Variants in NCOR2 observed in about 807,000 individuals in gnomAD.
NCOR2 encodes nuclear receptor corepressor 2.
A neutral mutation model predicts 262.9 loss-of-function variants in NCOR2; 81 were observed. That is an observed-to-expected ratio of 0.31 (90% CI 0.26 to 0.37). NCOR2 has a LOEUF of 0.37. NCOR2 is among the 10% of genes least tolerant of loss of function. NCOR2 has a pLI of 1.00. For missense variants in NCOR2, 3,385 were observed against 3,621.4 expected (o/e 0.93, Z 1.68); for synonymous variants, 1,659 against 1,559.3 (o/e 1.06, Z -1.51).
intron 37 of NCOR2, among the ~76,000 whole-genome samples, chr12:124,339,315 C>CCATT (rs2036199553): frequency 6.9e-6 from 1 of 145,322 alleles, no homozygotes; most frequent in African/African-American, 2.6e-5. Context: ...ATCCATCCAT[C>CCATT]CATCCATCCA....
At chr12:124,350,648 G>T in exon 28 of NCOR2, 2 of 1,613,950 alleles carry the variant, frequency 1.2e-6, no homozygotes, top group Non-Finnish European at 1.7e-6. Context: ...TGGGCAGGCT[G>T]TCCTCCCGGC....
intron 2 of NCOR2, among the ~76,000 whole-genome samples, chr12:124,485,721 C>A (rs1362456642): frequency 4.6e-5 from 7 of 152,228 alleles, no homozygotes; most frequent in Non-Finnish European, 1.0e-4. Flanking sequence ...GGGCCTGGTG[C>A]CTCGACTTCT....
chr12:124,519,561 G>A (rs1159633669), intron 1 of NCOR2, among the ~76,000 whole-genome samples: 5 of 152,212 alleles, frequency 3.3e-5, no homozygotes, highest in African/African-American at 1.2e-4. Context: ...GGGCGCAGGG[G>A]CGAGGCGGGG....
At chr12:124,339,219 A>ACCCCCCCCCCCCCCCCCCCCCCCC (rs1555300759) in intron 37 of NCOR2, among the ~76,000 whole-genome samples, 1 of 63,314 alleles carries the variant, frequency 1.6e-5, no homozygotes, top group Non-Finnish European at 2.9e-5. Context: ...TCTACCTACC[A>ACCCCCCCCCCCCCCCCCCCCCCCC]CCCACCCACC....
intron 5 of NCOR2, among the ~76,000 whole-genome samples, chr12:124,459,503 C>G (rs774214975): frequency 5.9e-5 from 9 of 152,148 alleles, no homozygotes; most frequent in African/African-American, 2.2e-4. Flanking sequence ...TCTCAACACA[C>G]CTGCCCAACA....
chr12:124,478,770 T>A (rs1338200561), intron 3 of NCOR2, among the ~76,000 whole-genome samples: 1 of 150,866 alleles, frequency 6.6e-6, no homozygotes, highest in Non-Finnish European at 1.5e-5. Context: ...TGGACATAGA[T>A]GAAGACAGAA....
Position 124,466,169 on chromosome 12 carries a change from A to T in NCOR2, c.705+4T>A. ...GGGCAGCAGGCCAGGGCGGGGACAC[A>T]TACCCGGTTCTCGTCGTAGATGATC... is the stretch of plus-strand genomic sequence containing the variant. On this transcript the variant is annotated splice_donor_region_variant and intron_variant, in intron 5 of 46. Transcript: ENST00000405201. 1.2e-6 allele frequency: 2 copies of T among 1,606,416 alleles called. No homozygotes were observed. The highest frequency in any genetic ancestry group is 2.7e-5 in the African/African-American group (2 of 74,646).
intron 1 of NCOR2, among the ~76,000 whole-genome samples, chr12:124,554,123 G>C (rs778246407): frequency 1.3e-5 from 2 of 152,260 alleles, no homozygotes; most frequent in Non-Finnish European, 2.9e-5. Context: ...TGAGCAGCGT[G>C]AACCCTCCTG....
In NCOR2 at chr12:124,528,068, C is replaced by T. The variant is rs774529820; in HGVS notation, c.-118+7497G>A. Reference sequence around the variant, plus strand: ...TCCTGAGGTTTCACTGCGGAACAGACGTCATCCCTTCCACGACTGCCATAA... The same window carrying T: ...TCCTGAGGTTTCACTGCGGAACAGATGTCATCCCTTCCACGACTGCCATAA... On this transcript the variant is annotated intron_variant, in intron 1 of 46. Coordinates refer to the NCOR2 transcript ENST00000404621. Among the ~76,000 whole-genome samples, 147 of 152,270 alleles carry T rather than the reference C, an allele frequency of 9.7e-4. 1 individual carries two copies. Among genetic ancestry groups the T allele is most frequent in the Non-Finnish European group, 1.7e-3 (113 of 68,016 alleles).
At chr12:124,415,915 G>A (rs940918403) in intron 13 of NCOR2, among the ~76,000 whole-genome samples, 2 of 152,020 alleles carry the variant, frequency 1.3e-5, no homozygotes, top group African/African-American at 2.4e-5. Context: ...TTCTACTTGG[G>A]GCTGGGGGTG....
chr12:124,479,235 T>C (rs1287940153), intron 3 of NCOR2, among the ~76,000 whole-genome samples: 1 of 151,710 alleles, frequency 6.6e-6, no homozygotes, highest in Non-Finnish European at 1.5e-5. Flanking sequence ...CACACACACG[T>C]GCACATGCAC....
intron 7 of NCOR2, among the ~76,000 whole-genome samples, chr12:124,438,560 G>A (rs530431684): frequency 1.3e-5 from 2 of 149,950 alleles, no homozygotes; most frequent in South Asian, 2.1e-4. Context: ...ACCCCCGGGC[G>A]GGGGCGGTCT....
At chr12:124,474,654 G>C (rs1194426691) in intron 3 of NCOR2, among the ~76,000 whole-genome samples, 1 of 152,152 alleles carries the variant, frequency 6.6e-6, no homozygotes, top group Non-Finnish European at 1.5e-5. Flanking sequence ...TCCTGCCTCA[G>C]TTCCTCATCT....
chr12:124,533,125 A>G (rs1485150210), intron 1 of NCOR2, among the ~76,000 whole-genome samples: 1 of 149,034 alleles, frequency 6.7e-6, no homozygotes, highest in Non-Finnish European at 1.5e-5. Context: ...CCAAGACAAA[A>G]CCTGGTTGTG....
chr12:124,386,327 G>A (rs543132571), intron 16 of NCOR2, among the ~76,000 whole-genome samples: 155 of 152,206 alleles, frequency 1.0e-3, no homozygotes, highest in Non-Finnish European at 1.9e-3. Context: ...AGCTGCAGGC[G>A]AGGCCTCGGG....
intron 34 of NCOR2, 96 bp from the exon 37 acceptor site, chr12:124,340,847 C>T (rs886953290): frequency 1.5e-5 from 18 of 1,206,774 alleles, no homozygotes; most frequent in Middle Eastern, 4.4e-4. Flanking sequence ...ACGGCACACA[C>T]TCCTGGAGCC....
At chr12:124,507,786 C>T (rs1267215991) in intron 1 of NCOR2, among the ~76,000 whole-genome samples, 4 of 152,246 alleles carry the variant, frequency 2.6e-5, no homozygotes, top group Non-Finnish European at 5.9e-5. Flanking sequence ...AGTCTCTGTC[C>T]CACCCGCTCA....
At chr12:124,416,075 T>C (rs576697345) in intron 13 of NCOR2, among the ~76,000 whole-genome samples, 16 of 152,244 alleles carry the variant, frequency 1.1e-4, no homozygotes, top group Middle Eastern at 3.4e-3. Flanking sequence ...ACCTGGCAAT[T>C]CAGGGCCAAT....
At chr12:124,431,870 G>C (rs944428593) in intron 8 of NCOR2, among the ~76,000 whole-genome samples, 4 of 151,414 alleles carry the variant, frequency 2.6e-5, no homozygotes, top group African/African-American at 9.7e-5. Context: ...GATACACAGA[G>C]AGACACACAC....
Sources: allele counts gnomAD v4.1 joint callset (sites outside exome capture counted in the v4.1 genomes callset), GRCh38; gene constraint gnomAD v4.1.1; transcripts MANE v1.5; gene names NCBI Gene and HGNC (gene_info 2026-07-23, HGNC 2026-07-21).